Variants in CARD8 observed in about 807,000 individuals in gnomAD.
CARD8 encodes caspase recruitment domain-containing protein 8.
CARD8 carries 38 observed loss-of-function variants against 53.2 expected under a neutral mutation model. The ratio of observed to expected loss-of-function variants is 0.71; its 90% confidence interval spans 0.55 to 0.94. The LOEUF (loss-of-function observed/expected upper bound fraction) is 0.94, where lower values mean the gene tolerates loss of function less well. CARD8 is among the 40% of genes least tolerant of loss of function. The pLI is 0.00. For missense variants in CARD8, 561 were observed against 655.5 expected (o/e 0.86, Z 1.57); for synonymous variants, 245 against 244.9 (o/e 1.00, Z 0.00).
chr19:48,253,473 C>A (rs1236515323), intron 1 of CARD8, among the ~76,000 whole-genome samples: 1 of 152,002 alleles, frequency 6.6e-6, no homozygotes, highest in African/African-American at 2.4e-5. Flanking sequence ...CAGTGATATA[C>A]CATATACATG....
In CARD8 at chr19:48,230,531, G is replaced by A. The variant is rs1568783360; in HGVS notation, c.942C>T (p.Pro314=). 2 of 1,614,058 alleles carry A rather than the reference G, an allele frequency of 1.2e-6. No homozygotes were observed. The highest frequency in any genetic ancestry group is 1.3e-5 in the African/African-American group (1 of 74,924). ...RIASGTRLSI[P]ITSNTLIYYH... ...AATAGATCAATGTGTTGGAAGTGAT[G>A]GGGATGGAGAGGCGAGTCCCACTGG... The change falls in exon 10 of 14, where the codon CCC becomes CCT. Residue 314 remains proline (P), a synonymous_variant. Coordinates refer to ENST00000651546, the MANE Select transcript of CARD8 (RefSeq NM_001184900.3).
At chr19:48,246,384 T>A (rs2046110740) in intron 3 of CARD8, among the ~76,000 whole-genome samples, 1 of 152,190 alleles carries the variant, frequency 6.6e-6, no homozygotes, top group Non-Finnish European at 1.5e-5. Flanking sequence ...TTGGCTCCCT[T>A]GTATTCAAAA....
At chr19:48,247,508 G>T (rs1360771524) in intron 3 of CARD8, among the ~76,000 whole-genome samples, 1 of 151,986 alleles carries the variant, frequency 6.6e-6, no homozygotes, top group Admixed American at 6.6e-5. Context: ...ATGAAGAAAG[G>T]CATAGTAAAC....
chr19:48,234,155 C>T, intron 6 of CARD8: 1 of 429,094 alleles, frequency 2.3e-6, no homozygotes, highest in Non-Finnish European at 4.1e-6. Context: ...TAACCAATAA[C>T]CCACTGGTCT....
intron 4 of CARD8, 113 bp downstream of exon 4, chr19:48,240,849 T>C: frequency 2.3e-6 from 2 of 868,004 alleles, no homozygotes; most frequent in Non-Finnish European, 3.6e-6. Context: ...GAATAAAATG[T>C]GAGCAGAACC....
intron 5 of CARD8, among the ~76,000 whole-genome samples, chr19:48,234,795 C>T (rs544886591): frequency 1.2e-4 from 19 of 152,258 alleles, no homozygotes; most frequent in South Asian, 6.2e-4. Context: ...AGGAAGCAGA[C>T]GTCAGTCAGT....
intron 11 of CARD8, among the ~76,000 whole-genome samples, chr19:48,221,008 A>AGCAAAAG (rs1555806506): frequency 1.4e-3 from 171 of 122,058 alleles, no homozygotes; most frequent in African/African-American, 5.7e-3. Flanking sequence ...GAAAGAAAGA[A>AGCAAAAG]AAAGAAAGAA....
chr19:48,210,678 T>C lies in CARD8; in HGVS notation c.*1032A>G, dbSNP rs2037830753. 1 of 152,090 alleles carries C rather than the reference T, an allele frequency of 6.6e-6. No individual in the cohort carries two copies. Among genetic ancestry groups the C allele is most frequent in the South Asian group, 2.1e-4 (1 of 4,824 alleles). 9.4% of individuals were successfully genotyped at this position (152,090 alleles called of 1,614,324 possible). On this transcript the variant is annotated 3_prime_UTR_variant, in exon 14 of 14. Coordinates refer to ENST00000651546, the MANE Select transcript of CARD8 (RefSeq NM_001184900.3). ...AACAAACTGGCTGACTGAGGATAAA[T>C]CCTAACATATTAATAATTACATTAA...
At chr19:48,239,002 C>G (rs1271955061) in intron 4 of CARD8, among the ~76,000 whole-genome samples, 1 of 152,194 alleles carries the variant, frequency 6.6e-6, no homozygotes, top group Non-Finnish European at 1.5e-5. Context: ...CTTGGTGATG[C>G]TCGCTACTGG....
chr19:48,215,698 A>G (rs1208445370), intron 12 of CARD8, among the ~76,000 whole-genome samples: 1 of 152,222 alleles, frequency 6.6e-6, no homozygotes, highest in Non-Finnish European at 1.5e-5. Context: ...TGTTTTAGAC[A>G]TGAAATAACA....
rs2037947702 is a variant in CARD8 at position 48,211,419 on chromosome 19, TCC to T, written c.*289_*290del. ...AACACACCTATCCGGATGTCCTTTA[TCC>T]TGGGTCTTCAAGAATCATGTCAATG... On this transcript the variant is annotated 3_prime_UTR_variant, in exon 14 of 14. Transcript: ENST00000651546. The T allele has an allele frequency of 9.6e-6, 3 of 313,042 alleles. No individual in the cohort carries two copies. In the South Asian group the frequency reaches 1.3e-4, roughly 14 times the overall value. 19.4% of individuals were successfully genotyped at this position (313,042 alleles called of 1,614,324 possible).
At chr19:48,239,991 T>C (rs1188287454) in intron 4 of CARD8, among the ~76,000 whole-genome samples, 1 of 152,166 alleles carries the variant, frequency 6.6e-6, no homozygotes, top group East Asian at 1.9e-4. Flanking sequence ...ATTCCATTCA[T>C]GAGGGCGCTA....
At chr19:48,219,713 G>C (rs2040096717) in intron 11 of CARD8, among the ~76,000 whole-genome samples, 1 of 152,130 alleles carries the variant, frequency 6.6e-6, no homozygotes, top group African/African-American at 2.4e-5. Context: ...ACTCACACCT[G>C]TAGTCCCAGC....
intron 10 of CARD8, among the ~76,000 whole-genome samples, chr19:48,225,470 G>A (rs150121486): frequency 5.9e-5 from 9 of 152,202 alleles, no homozygotes; most frequent in East Asian, 1.9e-4. Context: ...CAGCCTGGGC[G>A]ACAGGGCAAG....
At position 48,221,794 on chromosome 19, in the gene CARD8, T is replaced by C; in HGVS notation, c.1097A>G (p.Glu366Gly). 1 of 1,610,360 alleles carries C rather than the reference T, an allele frequency of 6.2e-7. No homozygotes were observed. The highest frequency in any genetic ancestry group is 8.5e-7 in the Non-Finnish European group (1 of 1,177,288). The part of the protein sequence containing the change: ...GVRLQTSPPM[E>G]PLNFGSSYIV... Reference sequence around the variant, plus strand: ...ATAACTGGAACCAAAGTTCAGGGGTTCCATTGGGGGCGAAGTCTGCAGGCG... The same window carrying C: ...ATAACTGGAACCAAAGTTCAGGGGTCCCATTGGGGGCGAAGTCTGCAGGCG... Residue 366 changes from glutamate (E) to glycine (G), a missense_variant, in exon 11 of 14, where the codon GAA (glutamate) becomes GGA (glycine). By Grantham distance (98) the Glu-to-Gly change is moderately conservative. Transcript: ENST00000651546.
rs73573000 is a variant in CARD8 at position 48,230,499 on chromosome 19, G to A, written c.974C>T (p.Pro325Leu). 6 of 1,613,928 alleles carry A rather than the reference G, an allele frequency of 3.7e-6. No individual in the cohort carries two copies. The highest frequency in any genetic ancestry group is 2.7e-5 in the African/African-American group (2 of 74,868). ...ITSNTLIYYHPHPEDIKFHLY... is the reference protein window; with the variant it reads ...ITSNTLIYYHLHPEDIKFHLY... The stretch of plus-strand genomic sequence containing the variant: ...GTGGAACTTAATATCTTCGGGGTGG[G>A]GGTGATAATAGATCAATGTGTTGGA... The change falls in exon 10 of 14, where the codon CCC becomes CTC. Residue 325 changes from proline (P) to leucine (L), a missense_variant. Coordinates refer to ENST00000651546, the MANE Select transcript of CARD8 (RefSeq NM_001184900.3).
chr19:48,221,608 T>C, intron 11 of CARD8, 122 bp downstream of exon 11: 1 of 606,448 alleles, frequency 1.6e-6, no homozygotes, highest in Non-Finnish European at 2.6e-6. Context: ...ATTTCAATTT[T>C]TTTAAAGGGC....
At chr19:48,230,038 G>A (rs986233650) in intron 10 of CARD8, among the ~76,000 whole-genome samples, 1 of 152,088 alleles carries the variant, frequency 6.6e-6, no homozygotes, top group South Asian at 2.1e-4. Flanking sequence ...GCTTGAACCC[G>A]AGAAGTGGAT....
In CARD8 at chr19:48,230,764, C is replaced by G. The variant is rs774111311; in HGVS notation, c.772+13G>C. On this transcript the variant is annotated intron_variant, in intron 9 of 13. Transcript: ENST00000651546. The stretch of plus-strand genomic sequence containing the variant: ...CCCAGCGGCCCCCACAGCCTCCGCT[C>G]ACCCCACATTACCTTGGAGGGAGAT... The G allele has an allele frequency of 3.1e-6, 5 of 1,613,500 alleles. No homozygotes were observed. The African/African-American group carries it at 5.3e-5, about 17-fold the overall frequency.
Sources: gnomAD v4.1 joint callset for allele counts (sites outside exome capture counted in the v4.1 genomes callset) on GRCh38, gnomAD v4.1.1 for gene constraint, MANE v1.5 for transcripts, NCBI Gene and HGNC (gene_info 2026-07-23, HGNC 2026-07-21) for gene names.